PCDHGA5: variants seen among roughly 807,000 people sequenced by gnomAD.
PCDHGA5 encodes the protein protocadherin gamma subfamily A, 5.
Under a neutral mutation model 56.7 loss-of-function variants are expected in PCDHGA5, and 36 were observed. That is an observed-to-expected ratio of 0.64 (90% CI 0.49 to 0.84). The LOEUF (loss-of-function observed/expected upper bound fraction) is 0.84. PCDHGA5 is among the 40% of genes least tolerant of loss of function. The pLI, the probability that PCDHGA5 is intolerant of heterozygous loss-of-function variation, is 0.00. For synonymous variants in PCDHGA5, 563 were observed against 520.2 expected (o/e 1.08, Z -1.12); for missense variants, 1,305 against 1,201.5 (o/e 1.09, Z -1.27).
At chr5:141,369,742 A>G (rs1766466506) in intron 1 of PCDHGA5, among the ~76,000 whole-genome samples, 1 of 152,236 alleles carries the variant, frequency 6.6e-6, no homozygotes, top group African/African-American at 2.4e-5. Flanking sequence ...AGGAAATAGA[A>G]TGCAATAAGA....
At chr5:141,417,673 C>G in intron 1 of PCDHGA5, 3 of 970,368 alleles carry the variant, frequency 3.1e-6, no homozygotes, top group Non-Finnish European at 2.9e-6. Context: ...CCTGCGCAGC[C>G]AACAACAGAA....
In PCDHGA5 at chr5:141,486,247, C is replaced by T. The variant is rs935513223; in HGVS notation, c.2422-8560C>T. The T allele has an allele frequency of 2.5e-6, 4 of 1,614,014 alleles. No homozygotes were observed. The African/African-American group carries it at 5.3e-5, about 22-fold the overall frequency. On this transcript the variant is annotated intron_variant, in intron 1 of 3. Transcript: ENST00000518069. This position sits in a 1 kb window ranked among gnomAD's most constrained non-coding sequence, Gnocchi z 5.0. Reference sequence around the variant, plus strand: ...TCACAGTGACCTCAGAGCTTGGAACCCTCCCCGAGAGTGCAGAACCTGGCA... The same window carrying T: ...TCACAGTGACCTCAGAGCTTGGAACTCTCCCCGAGAGTGCAGAACCTGGCA...
At chr5:141,413,724 C>T (rs751084568) in intron 1 of PCDHGA5, 2 of 1,613,426 alleles carry the variant, frequency 1.2e-6, no homozygotes, top group East Asian at 2.2e-5. Context: ...AGCACTTCTC[C>T]CTAAGAGTTC....
chr5:141,428,223 A>C (rs539110667), intron 1 of PCDHGA5: 30 of 1,169,680 alleles, frequency 2.6e-5, no homozygotes, highest in Admixed American at 2.5e-4. Flanking sequence ...TAGTCTTCGC[A>C]GACAGCCTGC....
intron 1 of PCDHGA5, chr5:141,414,279 A>G (rs1369675815): frequency 1.9e-6 from 3 of 1,613,350 alleles, no homozygotes; most frequent in Admixed American, 3.3e-5. Context: ...CTCTGGGAAC[A>G]GTCGTAGCCC....
chr5:141,450,851 G>T (rs1184272833), intron 1 of PCDHGA5, among the ~76,000 whole-genome samples: 1 of 142,602 alleles, frequency 7.0e-6, no homozygotes, highest in Non-Finnish European at 1.5e-5. Context: ...TTGAGATGGG[G>T]TCTTGCTCTG....
chr5:141,409,831 C>T (rs1015263434), intron 1 of PCDHGA5: 2 of 1,611,128 alleles, frequency 1.2e-6, no homozygotes, highest in Non-Finnish European at 1.7e-6. Flanking sequence ...CCACGCTCAG[C>T]GCCAACGTGA....
At chr5:141,468,774 G>A (rs1229480462) in intron 1 of PCDHGA5, among the ~76,000 whole-genome samples, 4 of 152,028 alleles carry the variant, frequency 2.6e-5, no homozygotes, top group Non-Finnish European at 4.4e-5. Flanking sequence ...GCTGAGGCAG[G>A]AGAATGGCGT....
At chr5:141,508,324 G>A (rs1668975090) in intron 3 of PCDHGA5, 1 of 151,252 alleles carries the variant, frequency 6.6e-6, no homozygotes, top group African/African-American at 2.4e-5. Flanking sequence ...GAGGGGCACT[G>A]GAGAACTGAC....
At chr5:141,393,980 T>C (rs745601350) in intron 1 of PCDHGA5, 132 of 1,613,686 alleles carry the variant, frequency 8.2e-5, no homozygotes, top group Admixed American at 6.7e-5. Context: ...CACGTGATAA[T>C]TTACCTTTTA....
rs1346536726 is a variant in PCDHGA5 at position 141,375,203 on chromosome 5, C to A, written c.2421+8452C>A. 10 of 1,613,794 alleles carry A rather than the reference C, an allele frequency of 6.2e-6. No individual in the cohort carries two copies. In the Admixed American group the frequency reaches 1.3e-4, roughly 22 times the overall value. ...AATCGCCCTTTTTCAAGTGTTCGATCGAGACTCTGGCCTGAATGGCCTGGT... is the reference window on the plus strand; with the variant it reads ...AATCGCCCTTTTTCAAGTGTTCGATAGAGACTCTGGCCTGAATGGCCTGGT... On this transcript the variant is annotated intron_variant, in intron 1 of 3. Transcript: ENST00000518069.
In PCDHGA5 at chr5:141,486,143, G is replaced by T; in HGVS notation, c.2422-8664G>T. On this transcript the variant is annotated intron_variant, in intron 1 of 3. Coordinates refer to ENST00000518069, the MANE Select transcript of PCDHGA5 (RefSeq NM_018918.3). This position sits in a 1 kb window ranked among gnomAD's most constrained non-coding sequence, Gnocchi z 5.0. ...CTATGAATTTGATGTGCGGGCTCGC[G>T]ATGGGGGTTCTCCAGCCATGGAGCA... 6.2e-7 allele frequency: 1 copy of T among 1,614,198 alleles called. No homozygotes were observed. Among genetic ancestry groups the T allele is most frequent in the Non-Finnish European group, 8.5e-7 (1 of 1,180,030 alleles).
In PCDHGA5 at chr5:141,471,046, CTTT is replaced by C. The variant is rs1170588345; in HGVS notation, c.2422-23743_2422-23741del. ...ATTTTTATTAACAAGCCCAAGCCCT[CTTT>C]TTTTTTTTTTTTTTTTTGAGACAGG... On this transcript the variant is annotated intron_variant, in intron 1 of 3. Coordinates refer to ENST00000518069, the MANE Select transcript of PCDHGA5 (RefSeq NM_018918.3). 4.8e-4 allele frequency among the ~76,000 whole-genome samples: 54 copies of C among 113,240 alleles called. 1 individual carries two copies. Among genetic ancestry groups the C allele is most frequent in the Middle Eastern group, 5.2e-3 (1 of 192 alleles). 74.3% of individuals were successfully genotyped at this position (113,240 alleles called of 152,430 possible).
chr5:141,405,800 C>T (rs1034546914), intron 1 of PCDHGA5, among the ~76,000 whole-genome samples: 11 of 147,346 alleles, frequency 7.5e-5, no homozygotes, highest in African/African-American at 2.5e-4. Flanking sequence ...TTATAGTTAG[C>T]TTTCTCTTTA....
chr5:141,369,352 G>A (rs1265381304), intron 1 of PCDHGA5, among the ~76,000 whole-genome samples: 1 of 152,116 alleles, frequency 6.6e-6, no homozygotes, highest in East Asian at 1.9e-4. Flanking sequence ...TTGTGATGTA[G>A]TATGAAAAAA....
intron 1 of PCDHGA5, chr5:141,404,489 G>C: frequency 6.2e-7 from 1 of 1,613,796 alleles, no homozygotes; most frequent in Non-Finnish European, 8.5e-7. Flanking sequence ...AGACACTGGT[G>C]TGCTGTATGC....
rs1258752203 is a variant in PCDHGA5, at chr5:141,431,160, G to C, written c.2422-63647G>C. On this transcript the variant is annotated intron_variant, in intron 1 of 3. Coordinates refer to ENST00000518069, the MANE Select transcript of PCDHGA5 (RefSeq NM_018918.3). The surrounding 1 kb of genome is among the most constrained non-coding windows in gnomAD (Gnocchi z 4.8). ...ATTAACGACAATGCGCCTTACTTTC[G>C]TGAAAGTGAATTAGAAATAAAAATT... is the stretch of plus-strand genomic sequence containing the variant. The C allele has an allele frequency of 6.2e-7, 1 of 1,614,198 alleles. No homozygotes were observed. Among genetic ancestry groups the C allele is most frequent in the South Asian group, 1.1e-5 (1 of 91,084 alleles).
intron 1 of PCDHGA5, chr5:141,421,294 A>G (rs779984795): frequency 1.9e-6 from 3 of 1,613,304 alleles, no homozygotes; most frequent in Non-Finnish European, 2.5e-6. Context: ...TTTCCTGGGG[A>G]CGCTGCGGGG....
chr5:141,442,149 T>C, intron 1 of PCDHGA5: 1 of 159,274 alleles, frequency 6.3e-6, no homozygotes, highest in Non-Finnish European at 1.4e-5. Flanking sequence ...CTGCCAGACC[T>C]CAGCGATCAC....
Sources: allele counts gnomAD v4.1 joint callset (sites outside exome capture counted in the v4.1 genomes callset), GRCh38; gene constraint gnomAD v4.1.1; non-coding constraint Gnocchi (gnomAD v3.1); transcripts MANE v1.5; gene names NCBI Gene and HGNC (gene_info 2026-07-23, HGNC 2026-07-21).